TMEM150C: variants seen among roughly 807,000 people sequenced by gnomAD.
TMEM150C encodes the protein tentonin 3.
A neutral mutation model predicts 29.9 loss-of-function variants in TMEM150C; 10 were observed. The observed-to-expected ratio is 0.33, with a 90% CI of 0.21 to 0.57. TMEM150C has a LOEUF of 0.57. TMEM150C is among the 20% of genes least tolerant of loss of function. The pLI is 0.88. For synonymous variants in TMEM150C, 101 were observed against 112.5 expected, an observed-to-expected ratio of 0.90 and a Z score of 0.64; for missense variants, 251 against 303.6, an observed-to-expected ratio of 0.83 and a Z score of 1.29.
intron 3 of TMEM150C, 51 bp downstream of exon 3, chr4:82,503,008 T>A: frequency 6.2e-7 from 1 of 1,606,708 alleles, no homozygotes; most frequent in Non-Finnish European, 8.5e-7. Context: ...AGTGGGAAAG[T>A]TTTTGCTAAA....
intron 1 of TMEM150C, among the ~76,000 whole-genome samples, chr4:82,513,145 A>G (rs527659770): frequency 1.1e-4 from 16 of 152,342 alleles, no homozygotes; most frequent in Admixed American, 5.2e-4. Flanking sequence ...CCTGATGGGA[A>G]GACACTTCCC....
In TMEM150C at chr4:82,532,881, ACCACGC is replaced by A. The variant is rs540882014; in HGVS notation, c.-10-28220_-10-28215del. ...GTAGCTAGGACTACAGGTGCCTACC[ACCACGC>A]CCGGCTAATTTTTTGTATTTTTAGT... is the stretch of plus-strand genomic sequence containing the variant. On this transcript the variant is annotated intron_variant, in intron 1 of 7. Transcript: ENST00000449862. Among the ~76,000 whole-genome samples, 26 of 152,076 alleles carry A rather than the reference ACCACGC, an allele frequency of 1.7e-4. No individual in the cohort carries two copies. The South Asian group carries it at 5.2e-3, about 30-fold the overall frequency.
At chr4:82,520,371 G>C (rs1354834286) in intron 1 of TMEM150C, among the ~76,000 whole-genome samples, 2 of 152,140 alleles carry the variant, frequency 1.3e-5, no homozygotes, top group African/African-American at 4.8e-5. Flanking sequence ...CCCCAAACTT[G>C]CTTTGTCCGC....
intron 1 of TMEM150C, among the ~76,000 whole-genome samples, chr4:82,504,902 C>T (rs936393969): frequency 1.6e-4 from 24 of 152,036 alleles, no homozygotes; most frequent in Admixed American, 9.2e-4. Flanking sequence ...TGGTGGCGGG[C>T]GCCTGTAGTC....
chr4:82,539,700 C>T (rs1331486401), intron 1 of TMEM150C, among the ~76,000 whole-genome samples: 2 of 152,182 alleles, frequency 1.3e-5, no homozygotes, highest in Non-Finnish European at 2.9e-5. Flanking sequence ...GATCTGCCCG[C>T]TTCTGCCTCC....
chr4:82,541,137 T>C (rs1335983968), intron 1 of TMEM150C, among the ~76,000 whole-genome samples: 1 of 152,214 alleles, frequency 6.6e-6, no homozygotes, highest in Non-Finnish European at 1.5e-5. Context: ...TTAGTAAGGA[T>C]GATTTATATA....
At chr4:82,545,658 AG>A (rs1725355582) in intron 1 of TMEM150C, among the ~76,000 whole-genome samples, 1 of 152,210 alleles carries the variant, frequency 6.6e-6, no homozygotes, top group African/African-American at 2.4e-5. Context: ...GGCCAGGTAC[AG>A]TGGCTGACAC....
intron 1 of TMEM150C, among the ~76,000 whole-genome samples, chr4:82,552,013 C>A (rs144720296): frequency 9.9e-5 from 15 of 152,232 alleles, no homozygotes; most frequent in African/African-American, 3.6e-4. Context: ...TATGAGCTCC[C>A]AAGAAAGCTG....
At chr4:82,530,353 C>T (rs1334001515) in intron 1 of TMEM150C, among the ~76,000 whole-genome samples, 1 of 151,948 alleles carries the variant, frequency 6.6e-6, no homozygotes, top group Non-Finnish European at 1.5e-5. Flanking sequence ...GTTAGGAGAT[C>T]GAGACCATCC....
intron 1 of TMEM150C, among the ~76,000 whole-genome samples, chr4:82,534,115 C>CCA (rs58168318): frequency 0.36 from 54,707 of 151,900 alleles, 14,691 homozygotes; most frequent in African/African-American, 0.77. Flanking sequence ...GAGTAGGCCA[C>CCA]CAACTTACAG....
chr4:82,532,112 C>T (rs945589621), intron 1 of TMEM150C, among the ~76,000 whole-genome samples: 2 of 152,190 alleles, frequency 1.3e-5, no homozygotes, highest in African/African-American at 4.8e-5. Flanking sequence ...TACAGTAAAA[C>T]AGCACATTAG....
intron 7 of TMEM150C, among the ~76,000 whole-genome samples, chr4:82,488,437 T>C (rs1483464579): frequency 1.3e-5 from 2 of 152,216 alleles, no homozygotes; most frequent in South Asian, 2.1e-4. Context: ...AAAGAGTTGA[T>C]ACATTTAAAG....
chr4:82,537,714 C>CCTT (rs1725057259), intron 1 of TMEM150C, among the ~76,000 whole-genome samples: 1 of 152,022 alleles, frequency 6.6e-6, no homozygotes, highest in Non-Finnish European at 1.5e-5. Flanking sequence ...TGACTGATGT[C>CCTT]CTTATAAAAA....
intron 5 of TMEM150C, among the ~76,000 whole-genome samples, chr4:82,500,422 G>A (rs1239189004): frequency 6.6e-6 from 1 of 152,162 alleles, no homozygotes; most frequent in East Asian, 1.9e-4. Flanking sequence ...TCTCAGAGTT[G>A]ATAAATAAAT....
At chr4:82,546,725 G>C (rs2110090341) in intron 1 of TMEM150C, among the ~76,000 whole-genome samples, 1 of 152,252 alleles carries the variant, frequency 6.6e-6, no homozygotes, top group African/African-American at 2.4e-5. Context: ...CTACTTGGGA[G>C]GCTGAGGCAG....
At position 82,488,247 on chromosome 4, in the gene TMEM150C, GT is replaced by G. The variant is rs1723224924; in HGVS notation, c.541+1813del. Among the ~76,000 whole-genome samples, 3 of 152,274 alleles carry G rather than the reference GT, an allele frequency of 2.0e-5. No individual in the cohort carries two copies. The East Asian group carries it at 5.8e-4, about 29-fold the overall frequency. ...AATAATGGTCTCCAATTCCAACCAG[GT>G]TGCTGCGAATGCCATTGTTTCATTC... On this transcript the variant is annotated intron_variant, in intron 7 of 7. Coordinates refer to ENST00000449862, the MANE Select transcript of TMEM150C (RefSeq NM_001080506.3).
At chr4:82,523,564 A>G (rs1724556786) in intron 1 of TMEM150C, among the ~76,000 whole-genome samples, 1 of 152,210 alleles carries the variant, frequency 6.6e-6, no homozygotes, top group African/African-American at 2.4e-5. Context: ...TTTGTATATC[A>G]AAGTTTGCCG....
At chr4:82,554,657 A>G (rs7688463) in intron 1 of TMEM150C, among the ~76,000 whole-genome samples, 53,399 of 152,090 alleles carry the variant, frequency 0.35, 13,737 homozygotes, top group African/African-American at 0.73. Flanking sequence ...TGCTATTTTT[A>G]GAGACATTTA....
chr4:82,495,713 A>T (rs547059601), intron 6 of TMEM150C: 14 of 303,696 alleles, frequency 4.6e-5, no homozygotes, highest in Middle Eastern at 4.2e-4. Context: ...ACAAACAAGA[A>T]ACCTTGTTTG....
Sources: allele counts gnomAD v4.1 joint callset (sites outside exome capture counted in the v4.1 genomes callset), GRCh38; gene constraint gnomAD v4.1.1; transcripts MANE v1.5; gene names NCBI Gene and HGNC (gene_info 2026-07-23, HGNC 2026-07-21).